TOPAZ1: variants seen among roughly 807,000 people sequenced by gnomAD.
The protein encoded by TOPAZ1 is protein TOPAZ1.
A neutral mutation model predicts 172.2 loss-of-function variants in TOPAZ1; 66 were observed. The observed-to-expected ratio is 0.38, with a 90% CI of 0.31 to 0.47. TOPAZ1 has a LOEUF of 0.47. Among genes scored for constraint, TOPAZ1 ranks in the 20% least tolerant of loss-of-function variants. The pLI, the probability that TOPAZ1 is intolerant of heterozygous loss-of-function variation, is 0.99. For missense variants in TOPAZ1, 1,822 were observed against 1,972.4 expected (o/e 0.92, Z 1.44); for synonymous variants, 681 against 683.9 (o/e 1.00, Z 0.07).
intron 12 of TOPAZ1, among the ~76,000 whole-genome samples, chr3:44,296,877 A>AAAAGC (rs1700204622): frequency 6.7e-6 from 1 of 149,992 alleles, no homozygotes; most frequent in Non-Finnish European, 1.5e-5. Flanking sequence ...AAAAAAAAAG[A>AAAAGC]AAAGCAAATT....
At chr3:44,297,749 T>TA (rs200093584) in intron 12 of TOPAZ1, among the ~76,000 whole-genome samples, 1,893 of 114,804 alleles carry the variant, frequency 0.016, 31 homozygotes, top group African/African-American at 0.048. Flanking sequence ...GTACCAAAAT[T>TA]TAAAAAAAAA....
chr3:44,268,499 G>C (rs773956729), intron 6 of TOPAZ1, among the ~76,000 whole-genome samples: 1 of 150,386 alleles, frequency 6.6e-6, no homozygotes, highest in Non-Finnish European at 1.5e-5. Flanking sequence ...TCAGCCTCTC[G>C]AGTAGCTGGG....
Position 44,323,199 on chromosome 3 carries a change from T to A in TOPAZ1, c.4579T>A (p.Ser1527Thr). Residue 1527 changes from serine (S) to threonine (T), a missense_variant, in exon 18 of 20, where the codon TCA (serine) becomes ACA (threonine). Physicochemically the swap from Ser to Thr is moderately conservative, Grantham distance 58. Transcript: ENST00000309765. ...ATCCTCTGTGGCAGAATTCATGATT[T>A]CAAAGAGCATCCCTATTGATTTTTC... ...MSSSVAEFMI[S>T]KSIPIDFSFL... 1 of 1,550,554 alleles carries A rather than the reference T, an allele frequency of 6.4e-7. No homozygotes were observed. The highest frequency in any genetic ancestry group is 8.7e-7 in the Non-Finnish European group (1 of 1,146,158).
intron 16 of TOPAZ1, among the ~76,000 whole-genome samples, chr3:44,311,585 T>C (rs1046832426): frequency 5.9e-5 from 9 of 152,194 alleles, no homozygotes; most frequent in African/African-American, 2.2e-4. Context: ...TAAACTTCTA[T>C]CAATTATAAG....
At chr3:44,261,327 G>T (rs1699773600) in intron 4 of TOPAZ1, among the ~76,000 whole-genome samples, 2 of 152,042 alleles carry the variant, frequency 1.3e-5, no homozygotes, top group Admixed American at 1.3e-4. Context: ...ATCTCAAGTT[G>T]ATTTTTGCAT....
chr3:44,305,448 C>T (rs1700325982), intron 14 of TOPAZ1, 127 bp downstream of exon 14: 1 of 683,088 alleles, frequency 1.5e-6, no homozygotes, highest in Admixed American at 4.0e-5. Context: ...TAGCTCACCG[C>T]AGCCTCGAAC....
intron 6 of TOPAZ1, among the ~76,000 whole-genome samples, chr3:44,268,190 A>G (rs943205900): frequency 6.6e-6 from 1 of 152,072 alleles, no homozygotes; most frequent in African/African-American, 2.4e-5. Context: ...AAAGGGCTCA[A>G]ACAACAGAAA....
At position 44,243,339 on chromosome 3, in the gene TOPAZ1, C is replaced by A. The variant is rs577431608; in HGVS notation, c.833C>A (p.Pro278His). ...GAGAAGAGTGACACAAATAGTATTCCTCAGCTCTTACAAACAGAAGAAAAT... is the reference window on the plus strand; with the variant it reads ...GAGAAGAGTGACACAAATAGTATTCATCAGCTCTTACAAACAGAAGAAAAT... Reference protein sequence around the residue: ...LAEKSDTNSIPQLLQTEENVM... With the variant: ...LAEKSDTNSIHQLLQTEENVM... Residue 278 changes from proline to histidine, a missense_variant, in exon 2 of 20, where the codon CCT (proline) becomes CAT (histidine). Pro to His is a moderately conservative substitution (Grantham distance 77). This residue lies in a region of TOPAZ1 where 1,489 missense variants were observed against 1,490.8 expected (regional missense o/e 1.00). Coordinates refer to ENST00000309765, the MANE Select transcript of TOPAZ1 (RefSeq NM_001145030.2). 1.9e-6 allele frequency: 3 copies of A among 1,551,120 alleles called. No individual in the cohort carries two copies. The South Asian group carries it at 3.6e-5, about 18-fold the overall frequency.
intron 12 of TOPAZ1, among the ~76,000 whole-genome samples, chr3:44,296,959 G>A (rs1167263872): frequency 6.6e-6 from 1 of 151,338 alleles, no homozygotes; most frequent in African/African-American, 2.4e-5. Flanking sequence ...ATCACCTGAG[G>A]TCAGGAGTTT....
intron 4 of TOPAZ1, among the ~76,000 whole-genome samples, chr3:44,257,468 TA>T (rs1370255135): frequency 0.021 from 641 of 31,024 alleles, 16 homozygotes; most frequent in African/African-American, 0.079. Flanking sequence ...TATATATATA[TA>T]GTGTGTGTGT....
rs1699519652 is a variant in TOPAZ1, at chr3:44,243,722, A to G, written c.1216A>G (p.Thr406Ala). 1 of 1,550,946 alleles carries G rather than the reference A, an allele frequency of 6.4e-7. No individual in the cohort carries two copies. The highest frequency in any genetic ancestry group is 1.2e-5 in the South Asian group (1 of 83,790). Residue 406 changes from threonine to alanine, a missense_variant, in exon 2 of 20, where the codon ACA becomes GCA. Physicochemically the swap from Thr to Ala is moderately conservative, Grantham distance 58 (BLOSUM62 0). Transcript: ENST00000309765. ...LSVPETVEKE[T>A]SSEHHVNAVF... ...TGTCCCAGAAACAGTAGAAAAAGAA[A>G]CAAGTTCTGAACATCATGTAAATGC... is the stretch of plus-strand genomic sequence containing the variant.
At chr3:44,310,133 C>T in intron 16 of TOPAZ1, 143 bp downstream of exon 16, 1 of 679,830 alleles carries the variant, frequency 1.5e-6, no homozygotes, top group Admixed American at 3.4e-5. Context: ...GAAAGGTTGT[C>T]ATGTAAACTG....
Position 44,273,153 on chromosome 3 carries a change from CAG to C in TOPAZ1, c.3372+2346_3372+2347del, listed in dbSNP as rs572460430. ...AATCCCACTGTTCACACTGTTGAAACAGAGCTCTCTGAACCTCTCTAGTTTGG... is the reference window on the plus strand; with the variant it reads ...AATCCCACTGTTCACACTGTTGAAACAGCTCTCTGAACCTCTCTAGTTTGG... On this transcript the variant is annotated intron_variant, in intron 8 of 19. Coordinates refer to ENST00000309765, the MANE Select transcript of TOPAZ1 (RefSeq NM_001145030.2). 1.9e-4 allele frequency among the ~76,000 whole-genome samples: 29 copies of C among 152,348 alleles called. No homozygotes were observed. In the South Asian group the frequency reaches 5.0e-3, roughly 26 times the overall value.
At chr3:44,273,899 T>C (rs2125687924) in intron 8 of TOPAZ1, among the ~76,000 whole-genome samples, 1 of 152,294 alleles carries the variant, frequency 6.6e-6, no homozygotes, top group South Asian at 2.1e-4. Context: ...AATAAAAATA[T>C]ATTCATGAGT....
At chr3:44,267,505 C>T (rs1699844549) in intron 6 of TOPAZ1, among the ~76,000 whole-genome samples, 1 of 151,968 alleles carries the variant, frequency 6.6e-6, no homozygotes, top group Non-Finnish European at 1.5e-5. Context: ...CGGTGTTGGC[C>T]AGGCTGGTCT....
At chr3:44,265,402 C>A (rs1699819255) in intron 5 of TOPAZ1, among the ~76,000 whole-genome samples, 1 of 152,074 alleles carries the variant, frequency 6.6e-6, no homozygotes. Flanking sequence ...ACTAAAAATG[C>A]CATAATTAGC....
chr3:44,284,399 C>T (rs11708279), intron 9 of TOPAZ1, among the ~76,000 whole-genome samples: 20,361 of 152,164 alleles, frequency 0.13, 1,766 homozygotes, highest in African/African-American at 0.23. Flanking sequence ...GATTATTTCA[C>T]TTAGCATAAT....
chr3:44,308,026 T>A (rs4682739), intron 15 of TOPAZ1, among the ~76,000 whole-genome samples: 1 of 152,098 alleles, frequency 6.6e-6, no homozygotes, highest in Non-Finnish European at 1.5e-5. Context: ...GTAATCCCAG[T>A]ACTTTGGGAG....
chr3:44,321,658 C>A (rs554486634), intron 17 of TOPAZ1, among the ~76,000 whole-genome samples: 1 of 152,148 alleles, frequency 6.6e-6, no homozygotes, highest in Non-Finnish European at 1.5e-5. Context: ...TGAGCAAAAG[C>A]TTTGGGTCAA....
Sources: allele counts gnomAD v4.1 joint callset (sites outside exome capture counted in the v4.1 genomes callset), GRCh38; gene constraint gnomAD v4.1.1; regional missense constraint gnomAD v4.1.1; transcripts MANE v1.5; gene names NCBI Gene and HGNC (gene_info 2026-07-23, HGNC 2026-07-21).